SLC35F4: variants seen among roughly 807,000 people sequenced by gnomAD.
SLC35F4 encodes the protein chromosome 14 open reading frame 36.
In SLC35F4, 24 loss-of-function variants were observed where a neutral mutation model predicts 44.2. The ratio of observed to expected loss-of-function variants is 0.54; its 90% CI spans 0.39 to 0.76. SLC35F4 has a LOEUF of 0.76. SLC35F4 is among the 30% of genes least tolerant of loss of function. The probability of loss-of-function intolerance (pLI) is 0.00; values close to 1 mark genes in which losing one functional copy is unlikely to be tolerated. For synonymous variants in SLC35F4, 238 were observed against 223.6 expected, an observed-to-expected ratio of 1.06 and a Z score of -0.57; for missense variants, 562 against 586.1, an observed-to-expected ratio of 0.96 and a Z score of 0.42.
chr14:57,652,974 T>A (rs1157456732), intron 1 of SLC35F4, among the ~76,000 whole-genome samples: 3 of 152,206 alleles, frequency 2.0e-5, no homozygotes, highest in Admixed American at 1.3e-4. Flanking sequence ...CATGGATGAT[T>A]CTGTTTGGCT....
intron 1 of SLC35F4, among the ~76,000 whole-genome samples, chr14:57,597,575 C>T (rs2070567695): frequency 1.3e-5 from 2 of 152,130 alleles, no homozygotes. Context: ...TTTGATGCAG[C>T]TGGGGGAGCA....
chr14:57,869,218 A>G (rs1182887750), upstream of SLC35F4, among the ~76,000 whole-genome samples: 1 of 151,902 alleles, frequency 6.6e-6, no homozygotes, highest in East Asian at 1.9e-4. Flanking sequence ...TTTTAAAAAA[A>G]GCCAAATCAT....
chr14:57,977,691 G>C (rs1381855015), intron 1 of SLC35F4, among the ~76,000 whole-genome samples: 1 of 152,132 alleles, frequency 6.6e-6, no homozygotes, highest in Non-Finnish European at 1.5e-5. Context: ...TTGTTTTACT[G>C]ACATTTTTCC....
intron 1 of SLC35F4, among the ~76,000 whole-genome samples, chr14:57,915,845 C>G (rs2141054483): frequency 6.6e-6 from 1 of 152,282 alleles, no homozygotes; most frequent in Non-Finnish European, 1.5e-5. Flanking sequence ...CTGAACCCTA[C>G]TAGAATCACC....
chr14:57,707,399 G>A (rs1304019529), intron 1 of SLC35F4, among the ~76,000 whole-genome samples: 2 of 152,160 alleles, frequency 1.3e-5, no homozygotes, highest in Non-Finnish European at 2.9e-5. Flanking sequence ...GTTCTCATGA[G>A]ATCTGATCGT....
intron 1 of SLC35F4, among the ~76,000 whole-genome samples, chr14:57,705,481 A>G (rs560321399): frequency 1.4e-3 from 206 of 152,134 alleles, no homozygotes; most frequent in African/African-American, 4.8e-3. Context: ...GCTGCCCTCC[A>G]TTGACTCTTA....
chr14:57,666,099 GCGTACCC>G (rs2074298910), intron 1 of SLC35F4, among the ~76,000 whole-genome samples: 2 of 152,118 alleles, frequency 1.3e-5, no homozygotes, highest in African/African-American at 4.8e-5. Flanking sequence ...CAAACCAGCA[GCGTACCC>G]CTGAACTGAA....
At chr14:57,738,735 A>C (rs1381082268) in intron 1 of SLC35F4, among the ~76,000 whole-genome samples, 1 of 133,908 alleles carries the variant, frequency 7.5e-6, no homozygotes, top group African/African-American at 2.8e-5. Context: ...TTATTTCATA[A>C]TATTTGAATT....
At chr14:57,733,710 C>T (rs755429948) in intron 1 of SLC35F4, among the ~76,000 whole-genome samples, 16 of 151,974 alleles carry the variant, frequency 1.1e-4, no homozygotes, top group Middle Eastern at 3.4e-3. Context: ...TTCAAACCTA[C>T]GCAAAAGTAC....
At chr14:57,911,529 C>T (rs921878077) in intron 1 of SLC35F4, among the ~76,000 whole-genome samples, 1 of 151,950 alleles carries the variant, frequency 6.6e-6, no homozygotes, top group African/African-American at 2.4e-5. Flanking sequence ...TTTTCTGCAT[C>T]TATTGATGAG....
chr14:57,685,246 T>G lies in SLC35F4; in HGVS notation c.104-91122A>C, dbSNP rs558496242. ...CTTCTGGTGGCATCAATTGTGAGAT[T>G]TGCACTAACCAGCAGATAAAAAAGT... On this transcript the variant is annotated intron_variant, in intron 1 of 7. Transcript: ENST00000556826. Among the ~76,000 whole-genome samples, 3 of 152,214 alleles carry G rather than the reference T, an allele frequency of 2.0e-5. No homozygotes were observed. In the South Asian group the frequency reaches 6.2e-4, roughly 32 times the overall value.
chr14:57,660,695 G>A (rs1431414411), intron 1 of SLC35F4, among the ~76,000 whole-genome samples: 1 of 152,042 alleles, frequency 6.6e-6, no homozygotes, highest in Admixed American at 6.6e-5. Flanking sequence ...CACTGCTCTG[G>A]GGGAAGCCAG....
chr14:57,940,979 A>G (rs1889906768), intron 1 of SLC35F4, among the ~76,000 whole-genome samples: 1 of 152,214 alleles, frequency 6.6e-6, no homozygotes, highest in Admixed American at 6.5e-5. Context: ...GTCATTAGGG[A>G]AAACGAATCC....
chr14:57,652,409 C>T (rs2073814787), intron 1 of SLC35F4, among the ~76,000 whole-genome samples: 1 of 152,128 alleles, frequency 6.6e-6, no homozygotes, highest in African/African-American at 2.4e-5. Context: ...CATTTTGTCC[C>T]AGGAGGAATT....
intron 7 of SLC35F4, among the ~76,000 whole-genome samples, chr14:57,565,474 C>G (rs148466788): frequency 6.6e-6 from 1 of 152,308 alleles, no homozygotes; most frequent in East Asian, 1.9e-4. Context: ...CCTTTTGTCT[C>G]CCTCTCAATG....
intron 1 of SLC35F4, among the ~76,000 whole-genome samples, chr14:57,937,964 C>T (rs1411450104): frequency 1.3e-5 from 2 of 152,070 alleles, no homozygotes; most frequent in Admixed American, 6.6e-5. Flanking sequence ...CATGAGAATT[C>T]GCGCCTCTAA....
At chr14:57,607,532 T>C (rs1206830836) in intron 1 of SLC35F4, among the ~76,000 whole-genome samples, 4 of 152,218 alleles carry the variant, frequency 2.6e-5, no homozygotes, top group Admixed American at 6.5e-5. Context: ...GAGTCCCAGC[T>C]CCACACTCAT....
chr14:57,650,709 A>G (rs1358211072), intron 1 of SLC35F4, among the ~76,000 whole-genome samples: 1 of 152,162 alleles, frequency 6.6e-6, no homozygotes, highest in Non-Finnish European at 1.5e-5. Context: ...CCTTTGCTGC[A>G]CTTAAATCCA....
intron 1 of SLC35F4, among the ~76,000 whole-genome samples, chr14:57,779,857 G>GA (rs537603768): frequency 8.0e-4 from 122 of 152,216 alleles, no homozygotes; most frequent in African/African-American, 2.8e-3. Flanking sequence ...AATAGATGCA[G>GA]AAAAAGCTTT....
Sources: gnomAD v4.1 joint callset for allele counts (sites outside exome capture counted in the v4.1 genomes callset) on GRCh38, gnomAD v4.1.1 for gene constraint, MANE v1.5 for transcripts, NCBI Gene and HGNC (gene_info 2026-07-23, HGNC 2026-07-21) for gene names.